MYO1E: variants seen among roughly 807,000 people sequenced by gnomAD.
MYO1E encodes the protein unconventional myosin-Ie.
In MYO1E, 68 loss-of-function variants were observed where a neutral mutation model predicts 151.1. The observed-to-expected ratio is 0.45, with a 90% CI of 0.37 to 0.55. MYO1E has a LOEUF of 0.55. Ranked by LOEUF, MYO1E falls within the 20% of genes least tolerant of loss-of-function variation. MYO1E has a pLI of 0.00. For missense variants in MYO1E, 1,363 were observed against 1,389.3 expected (o/e 0.98, Z 0.30); for synonymous variants, 601 against 501.7 (o/e 1.20, Z -2.64).
chr15:59,169,707 A>G (rs1438664892), intron 22 of MYO1E, among the ~76,000 whole-genome samples: 2 of 152,242 alleles, frequency 1.3e-5, no homozygotes, highest in Non-Finnish European at 2.9e-5. Flanking sequence ...TGGTGCTCCC[A>G]TGACAGATTA....
chr15:59,255,737 A>G (rs866452051), intron 4 of MYO1E, among the ~76,000 whole-genome samples: 1 of 152,210 alleles, frequency 6.6e-6, no homozygotes, highest in Non-Finnish European at 1.5e-5. Context: ...TAATGTTTTA[A>G]GAAAGTTTAC....
intron 1 of MYO1E, among the ~76,000 whole-genome samples, chr15:59,308,838 C>CAAAA (rs35012634): frequency 6.9e-6 from 1 of 145,092 alleles, no homozygotes; most frequent in Non-Finnish European, 1.5e-5. Flanking sequence ...AACTCCATCT[C>CAAAA]AAAAAAAAAA....
chr15:59,235,851 T>C (rs182920333), intron 5 of MYO1E, among the ~76,000 whole-genome samples: 91 of 152,326 alleles, frequency 6.0e-4, no homozygotes, highest in Middle Eastern at 3.4e-3. Flanking sequence ...CATGGTAAGA[T>C]TCTGGCCAAT....
intron 10 of MYO1E, among the ~76,000 whole-genome samples, chr15:59,217,675 T>C (rs1316633405): frequency 2.0e-5 from 3 of 151,556 alleles, no homozygotes; most frequent in Non-Finnish European, 2.9e-5. Flanking sequence ...CACAGGCACA[T>C]GCCACCACAC....
rs1188529507 is a variant in MYO1E at position 59,272,394 on chromosome 15, C to T, written c.59G>A (p.Gly20Asp). 1 of 1,614,024 alleles carries T rather than the reference C, an allele frequency of 6.2e-7. No homozygotes were observed. Among genetic ancestry groups the T allele is most frequent in the Non-Finnish European group, 8.5e-7 (1 of 1,179,862 alleles). ...HWQSHNVKHS[G>D]VDDMVLLSKI... The stretch of plus-strand genomic sequence containing the variant: ...GGACAGTAGCACCATGTCGTCCACA[C>T]CACTGTGCTTGACATTGTGGCTTTG... The change falls in exon 2 of 28, where the codon GGT (glycine) becomes GAT (aspartate). Residue 20 changes from glycine to aspartate, a missense_variant. Physicochemically the swap from Gly to Asp is moderately conservative, Grantham distance 94. Coordinates refer to ENST00000288235, the MANE Select transcript of MYO1E (RefSeq NM_004998.4).
At chr15:59,345,753 G>A (rs1003669567) in intron 1 of MYO1E, among the ~76,000 whole-genome samples, 14 of 152,324 alleles carry the variant, frequency 9.2e-5, no homozygotes, top group South Asian at 4.1e-4. Context: ...TGCTAAGGAT[G>A]TATAGAATAT....
intron 1 of MYO1E, among the ~76,000 whole-genome samples, chr15:59,279,164 C>T (rs1275909671): frequency 1.3e-5 from 2 of 152,136 alleles, no homozygotes; most frequent in Non-Finnish European, 2.9e-5. Flanking sequence ...TTCCTTTTCT[C>T]TGCTCTTTCT....
At chr15:59,232,397 G>A (rs953955492) in intron 5 of MYO1E, among the ~76,000 whole-genome samples, 1 of 152,244 alleles carries the variant, frequency 6.6e-6, no homozygotes, top group Non-Finnish European at 1.5e-5. Flanking sequence ...GCTCCCTGGT[G>A]TTGCTGGTTT....
chr15:59,286,058 T>C (rs974730884), intron 1 of MYO1E, among the ~76,000 whole-genome samples: 1 of 152,214 alleles, frequency 6.6e-6, no homozygotes, highest in African/African-American at 2.4e-5. Flanking sequence ...GGGAGGTAAC[T>C]GAACAATTTC....
intron 1 of MYO1E, among the ~76,000 whole-genome samples, chr15:59,361,505 C>T (rs1329264307): frequency 6.6e-6 from 1 of 152,138 alleles, no homozygotes; most frequent in African/African-American, 2.4e-5. Flanking sequence ...CTCCCTAATA[C>T]TCATTTCAAG....
intron 9 of MYO1E, among the ~76,000 whole-genome samples, chr15:59,219,948 C>T (rs1285776114): frequency 6.6e-6 from 1 of 152,216 alleles, no homozygotes; most frequent in African/African-American, 2.4e-5. Context: ...ATTCATCTCA[C>T]AGAGTTGCAC....
chr15:59,342,941 T>C (rs1443885477), intron 1 of MYO1E, among the ~76,000 whole-genome samples: 1 of 152,212 alleles, frequency 6.6e-6, no homozygotes, highest in Non-Finnish European at 1.5e-5. Flanking sequence ...TAACATTTTG[T>C]TGTTTCTATT....
intron 26 of MYO1E, among the ~76,000 whole-genome samples, chr15:59,145,683 T>C (rs1168341753): frequency 1.3e-5 from 2 of 152,230 alleles, no homozygotes; most frequent in African/African-American, 2.4e-5. Flanking sequence ...TGAGCCACTG[T>C]GCCCAGCCTA....
chr15:59,282,581 C>T (rs756909525), intron 1 of MYO1E, among the ~76,000 whole-genome samples: 2 of 151,848 alleles, frequency 1.3e-5, no homozygotes, highest in Non-Finnish European at 2.9e-5. Context: ...TGTGGTGGCT[C>T]ATGCCTATAA....
At chr15:59,271,516 C>T (rs1229764367) in intron 2 of MYO1E, among the ~76,000 whole-genome samples, 1 of 152,192 alleles carries the variant, frequency 6.6e-6, no homozygotes, top group Non-Finnish European at 1.5e-5. Context: ...TTGCATCAAA[C>T]AAAATTCCTA....
chr15:59,307,206 C>T (rs2080519771), intron 1 of MYO1E, among the ~76,000 whole-genome samples: 1 of 152,214 alleles, frequency 6.6e-6, no homozygotes, highest in African/African-American at 2.4e-5. Flanking sequence ...AAGGGGACAT[C>T]ACCCAGGGAG....
chr15:59,286,150 T>A (rs549102781), intron 1 of MYO1E, among the ~76,000 whole-genome samples: 3 of 152,300 alleles, frequency 2.0e-5, no homozygotes, highest in Admixed American at 1.3e-4. Context: ...AAAAGAACAG[T>A]ATGCAAAGAG....
chr15:59,300,615 T>C (rs562461145), intron 1 of MYO1E, among the ~76,000 whole-genome samples: 221 of 152,288 alleles, frequency 1.5e-3, no homozygotes, highest in Non-Finnish European at 2.5e-3. Flanking sequence ...AAAAGGAAGC[T>C]GAACGCTGGT....
At chr15:59,283,619 C>A (rs1393613409) in intron 1 of MYO1E, among the ~76,000 whole-genome samples, 1 of 152,204 alleles carries the variant, frequency 6.6e-6, no homozygotes, top group South Asian at 2.1e-4. Flanking sequence ...TCTCACGTAA[C>A]AGCTAATTCT....
Sources: gnomAD v4.1 joint callset for allele counts (sites outside exome capture counted in the v4.1 genomes callset) on GRCh38, gnomAD v4.1.1 for gene constraint, MANE v1.5 for transcripts, NCBI Gene and HGNC (gene_info 2026-07-23, HGNC 2026-07-21) for gene names.